The following MKNK1 variants were observed in gnomAD, a reference collection of about 807,000 sequenced individuals.
The protein encoded by MKNK1 is MAPK interacting serine/threonine kinase 1, also known as MAP kinase-interacting serine/threonine-protein kinase 1.
MKNK1 carries 30 observed loss-of-function variants against 49.3 expected under a neutral mutation model. That is an observed-to-expected ratio of 0.61 (90% CI 0.46 to 0.83). MKNK1 has a LOEUF of 0.83. MKNK1 is among the 40% of genes least tolerant of loss of function. MKNK1 has a pLI of 0.00. For synonymous variants in MKNK1, 176 were observed against 201.7 expected, an observed-to-expected ratio of 0.87 and a Z score of 1.08; for missense variants, 423 against 524.7, an observed-to-expected ratio of 0.81 and a Z score of 1.89.
chr1:46,573,368 A>G (rs906720809), intron 6 of MKNK1, among the ~76,000 whole-genome samples: 1 of 152,224 alleles, frequency 6.6e-6, no homozygotes, highest in Non-Finnish European at 1.5e-5. Flanking sequence ...AGCATTTCAA[A>G]CATGTAATTA....
At chr1:46,602,864 A>G (rs1298552845) in intron 1 of MKNK1, among the ~76,000 whole-genome samples, 1 of 152,160 alleles carries the variant, frequency 6.6e-6, no homozygotes, top group African/African-American at 2.4e-5. Context: ...TAAGTAATTC[A>G]ATTACTCTGG....
At chr1:46,576,333 C>T (rs1389131332) in intron 5 of MKNK1, 1 of 446,934 alleles carries the variant, frequency 2.2e-6, no homozygotes, top group Non-Finnish European at 4.1e-6. Context: ...TCAGATAGTT[C>T]ATTCTTCTAA....
At chr1:46,584,139 C>T (rs1557873390) in intron 2 of MKNK1, among the ~76,000 whole-genome samples, 1 of 152,116 alleles carries the variant, frequency 6.6e-6, no homozygotes, top group Admixed American at 6.6e-5. Flanking sequence ...AGAAAAAGTC[C>T]GGATGGAAAG....
intron 1 of MKNK1, among the ~76,000 whole-genome samples, chr1:46,603,362 A>C (rs530435451): frequency 6.6e-6 from 1 of 151,934 alleles, no homozygotes; most frequent in East Asian, 1.9e-4. Context: ...GGTCACAACA[A>C]CTCTTCTCTC....
At chr1:46,569,887 C>G (rs1026683688) in intron 7 of MKNK1, 5 of 152,244 alleles carry the variant, frequency 3.3e-5, no homozygotes, top group Admixed American at 3.3e-4. Context: ...GCCCAGTCGT[C>G]CCTTAGCCTA....
intron 2 of MKNK1, among the ~76,000 whole-genome samples, chr1:46,591,999 C>T (rs959909096): frequency 1.3e-5 from 2 of 152,000 alleles, no homozygotes; most frequent in African/African-American, 4.8e-5. Context: ...CAGCACTTTG[C>T]GAGGCTGAGG....
intron 2 of MKNK1, among the ~76,000 whole-genome samples, chr1:46,586,563 C>A (rs893371449): frequency 6.6e-6 from 1 of 152,132 alleles, no homozygotes; most frequent in Non-Finnish European, 1.5e-5. Context: ...CACATAGCAG[C>A]CATCAGAAAT....
At position 46,581,397 on chromosome 1, in the gene MKNK1, C is replaced by T. The variant is rs2148691215; in HGVS notation, c.101-770G>A. Among the ~76,000 whole-genome samples the T allele has an allele frequency of 1.3e-5, 2 of 150,410 alleles. 1 individual carries two copies. The highest frequency in any genetic ancestry group is 4.2e-4 in the South Asian group (2 of 4,752). On this transcript the variant is annotated intron_variant, in intron 3 of 12. Transcript: ENST00000371945. ...TGGTGGCACGCGCCTAAAGTCCCAG[C>T]TATTTCGGGGGCTGAGGCAGGAGAA... is the stretch of plus-strand genomic sequence containing the variant.
At chr1:46,566,980 C>CT (rs1669177416) in intron 8 of MKNK1, among the ~76,000 whole-genome samples, 1 of 152,204 alleles carries the variant, frequency 6.6e-6, no homozygotes, top group Non-Finnish European at 1.5e-5. Context: ...CTTAACCTCT[C>CT]TTTTTCTTAA....
intron 1 of MKNK1, among the ~76,000 whole-genome samples, chr1:46,596,940 G>A (rs1029532669): frequency 6.6e-6 from 1 of 152,166 alleles, no homozygotes; most frequent in Non-Finnish European, 1.5e-5. Flanking sequence ...CTAAGTGCCT[G>A]GTTAGCCCTA....
chr1:46,594,402 C>G, intron 1 of MKNK1, 122 bp from the exon 2 acceptor site: 1 of 517,674 alleles, frequency 1.9e-6, no homozygotes, highest in Non-Finnish European at 3.5e-6. Context: ...TAGATATACA[C>G]GCAGCAATCA....
chr1:46,597,197 C>T (rs556337527), intron 1 of MKNK1, among the ~76,000 whole-genome samples: 3 of 151,620 alleles, frequency 2.0e-5, no homozygotes, highest in South Asian at 2.1e-4. Context: ...CTGGGCCTGG[C>T]GAGGCACCCA....
At position 46,560,213 on chromosome 1, in the gene MKNK1, G is replaced by C. The variant is rs532165678; in HGVS notation, c.1013+21C>G. ...GAGAGCTTGAGGAAGAGCATGGCGT[G>C]GGGGTGGTCAGAGCATTTACCTCTG... On this transcript the variant is annotated intron_variant, in intron 12 of 12. Coordinates refer to ENST00000371945, the MANE Select transcript of MKNK1 (RefSeq NM_001135553.4). The C allele has an allele frequency of 2.5e-5, 41 of 1,613,488 alleles. No homozygotes were observed. In the South Asian group the frequency reaches 3.7e-4, roughly 15 times the overall value.
chr1:46,583,985 C>T (rs555704155), intron 2 of MKNK1, among the ~76,000 whole-genome samples: 13 of 152,296 alleles, frequency 8.5e-5, no homozygotes, highest in Non-Finnish European at 1.8e-4. Context: ...ATTCAGAAGT[C>T]GGCAGTTGAC....
intron 5 of MKNK1, 175 bp downstream of exon 5, chr1:46,576,400 G>A: frequency 1.7e-6 from 1 of 590,304 alleles, no homozygotes; most frequent in South Asian, 2.0e-5. Flanking sequence ...CTCCTTTGCT[G>A]TTACTGCTGC....
intron 1 of MKNK1, among the ~76,000 whole-genome samples, chr1:46,594,704 A>T (rs1409099359): frequency 1.3e-5 from 2 of 152,156 alleles, no homozygotes; most frequent in Non-Finnish European, 2.9e-5. Flanking sequence ...CAAAAGATAA[A>T]AGTTGACAGG....
chr1:46,576,678 A>G, intron 4 of MKNK1, 24 bp from the exon 5 acceptor site: 1 of 1,603,390 alleles, frequency 6.2e-7, no homozygotes, highest in Non-Finnish European at 8.5e-7. Flanking sequence ...AAAATCTGTC[A>G]TGTACACCCA....
chr1:46,594,050 G>T, intron 2 of MKNK1, 63 bp downstream of exon 2: 4 of 1,288,250 alleles, frequency 3.1e-6, no homozygotes, highest in Non-Finnish European at 4.5e-6. Context: ...TCCTCTGGAT[G>T]TATCAGATCA....
At chr1:46,565,199 G>T (rs950238539) in intron 8 of MKNK1, 63 bp from the exon 9 acceptor site, 8 of 1,489,696 alleles carry the variant, frequency 5.4e-6, no homozygotes, top group Non-Finnish European at 9.4e-7. Flanking sequence ...GAGGAGCCAG[G>T]CATGGCTGTA....
Sources: gnomAD v4.1 joint callset for allele counts (sites outside exome capture counted in the v4.1 genomes callset) on GRCh38, gnomAD v4.1.1 for gene constraint, MANE v1.5 for transcripts, NCBI Gene and HGNC (gene_info 2026-07-23, HGNC 2026-07-21) for gene names.